GPM6A: variants seen among roughly 807,000 people sequenced by gnomAD.
The protein encoded by GPM6A is glycoprotein M6A.
GPM6A carries 7 observed loss-of-function variants against 32.1 expected under a neutral mutation model. The observed-to-expected ratio is 0.22, with a 90% CI of 0.12 to 0.41. The LOEUF is 0.41. Among genes scored for constraint, GPM6A ranks in the 10% least tolerant of loss-of-function variants. GPM6A has a pLI of 1.00. For missense variants in GPM6A, 235 were observed against 347.2 expected (o/e 0.68, Z 2.57); for synonymous variants, 130 against 123.4 (o/e 1.05, Z -0.35).
In GPM6A at chr4:175,755,348, A is replaced by T. The variant is rs147964180; in HGVS notation, c.38-53581T>A. Among the ~76,000 whole-genome samples, 12 of 152,286 alleles carry T rather than the reference A, an allele frequency of 7.9e-5. 1 individual carries two copies. In the East Asian group the frequency reaches 2.3e-3, roughly 29 times the overall value. On this transcript the variant is annotated intron_variant, in intron 1 of 6. Coordinates refer to ENST00000393658, the MANE Select transcript of GPM6A (RefSeq NM_201591.3). ...TATTTTCTTCTCTGTAATTACATGA[A>T]TGCTACAGAATTAACATTTTAAGGT...
chr4:175,715,909 T>C (rs1745817866), intron 1 of GPM6A, among the ~76,000 whole-genome samples: 4 of 151,986 alleles, frequency 2.6e-5, no homozygotes, highest in Non-Finnish European at 1.5e-5. Flanking sequence ...CTACTAAATA[T>C]ACAAAATTAG....
chr4:175,981,776 T>A (rs1740822269), intron 1 of GPM6A, among the ~76,000 whole-genome samples: 1 of 152,242 alleles, frequency 6.6e-6, no homozygotes, highest in East Asian at 1.9e-4. Context: ...ATTTTAAGTG[T>A]ATTTTTGATT....
chr4:175,872,564 A>G (rs1736945460), intron 1 of GPM6A: 2 of 152,228 alleles, frequency 1.3e-5, no homozygotes, highest in Non-Finnish European at 2.9e-5. Flanking sequence ...GCTTTCTTTG[A>G]GAATTAGAAG....
Position 175,910,460 on chromosome 4 carries a change from C to G in GPM6A, c.-23+91849G>C, listed in dbSNP as rs1241106679. On this transcript the variant is annotated intron_variant, in intron 1 of 7. Transcript: ENST00000280187. ...CTTAGTCGGGTACATAATTCACTCTCTCAGCCTTACTGGGCTGGTGAATGG... is the reference window on the plus strand; with the variant it reads ...CTTAGTCGGGTACATAATTCACTCTGTCAGCCTTACTGGGCTGGTGAATGG... Among the ~76,000 whole-genome samples, 4 of 152,286 alleles carry G rather than the reference C, an allele frequency of 2.6e-5. No individual in the cohort carries two copies. In the East Asian group the frequency reaches 7.7e-4, roughly 29 times the overall value.
chr4:175,669,654 T>C (rs1436707021), intron 3 of GPM6A, among the ~76,000 whole-genome samples: 1 of 152,194 alleles, frequency 6.6e-6, no homozygotes, highest in Non-Finnish European at 1.5e-5. Flanking sequence ...AACTTATATA[T>C]GGAAGAACAT....
intron 1 of GPM6A, among the ~76,000 whole-genome samples, chr4:175,828,719 G>A (rs1735513382): frequency 6.6e-6 from 1 of 152,012 alleles, no homozygotes. Context: ...AACAAAGGCA[G>A]TAATTATAAG....
At chr4:175,959,636 C>G (rs1402224118) in intron 1 of GPM6A, among the ~76,000 whole-genome samples, 1 of 152,152 alleles carries the variant, frequency 6.6e-6, no homozygotes, top group Non-Finnish European at 1.5e-5. Flanking sequence ...CTTTGCTACT[C>G]TGTGTGACAA....
chr4:175,804,842 G>A (rs28457258), intron 1 of GPM6A, among the ~76,000 whole-genome samples: 17,799 of 151,934 alleles, frequency 0.12, 1,603 homozygotes, highest in African/African-American at 0.26. Context: ...TCAGGAGATC[G>A]AGACCATCCT....
intron 1 of GPM6A, among the ~76,000 whole-genome samples, chr4:175,844,359 C>CCA (rs1736027031): frequency 6.6e-6 from 1 of 152,122 alleles, no homozygotes; most frequent in African/African-American, 2.4e-5. Flanking sequence ...ATTCCTTCTG[C>CCA]CACAAGACTG....
At chr4:175,863,691 C>T (rs537224007) in intron 1 of GPM6A, among the ~76,000 whole-genome samples, 1 of 152,182 alleles carries the variant, frequency 6.6e-6, no homozygotes, top group Admixed American at 6.5e-5. Flanking sequence ...TATGTTGCCA[C>T]CAGCAATGTA....
intron 1 of GPM6A, among the ~76,000 whole-genome samples, chr4:175,979,868 T>C (rs747999949): frequency 1.6e-4 from 25 of 152,224 alleles, no homozygotes; most frequent in Non-Finnish European, 3.5e-4. Context: ...CTAAGAGAGC[T>C]ATTTGCTTCT....
At chr4:175,706,738 G>T (rs149182322) in intron 1 of GPM6A, among the ~76,000 whole-genome samples, 151 of 152,190 alleles carry the variant, frequency 9.9e-4, no homozygotes, top group African/African-American at 3.2e-3. Context: ...GCTGAGACCT[G>T]CTGGGCTGCA....
intron 1 of GPM6A, among the ~76,000 whole-genome samples, chr4:175,735,917 T>C (rs1013675052): frequency 2.6e-5 from 4 of 152,146 alleles, no homozygotes; most frequent in African/African-American, 9.7e-5. Context: ...ATGTCTAGAG[T>C]TATTTAGAAA....
At chr4:175,843,269 C>CA (rs1306755465) in intron 1 of GPM6A, among the ~76,000 whole-genome samples, 2 of 152,098 alleles carry the variant, frequency 1.3e-5, no homozygotes, top group African/African-American at 2.4e-5. Context: ...GAGGAATTTA[C>CA]AAAAAATATC....
At chr4:175,859,188 TTG>T (rs1736501954) in intron 1 of GPM6A, among the ~76,000 whole-genome samples, 1 of 152,194 alleles carries the variant, frequency 6.6e-6, no homozygotes, top group Non-Finnish European at 1.5e-5. Context: ...TATAAATATG[TTG>T]AAATGTCAAA....
At chr4:175,659,677 GTTATT>G (rs1333752421) in intron 3 of GPM6A, among the ~76,000 whole-genome samples, 1 of 152,168 alleles carries the variant, frequency 6.6e-6, no homozygotes, top group Non-Finnish European at 1.5e-5. Context: ...ATTATCCAGA[GTTATT>G]TTATTACCAG....
chr4:175,835,934 G>C (rs1296207921), intron 1 of GPM6A, among the ~76,000 whole-genome samples: 2 of 147,414 alleles, frequency 1.4e-5, no homozygotes, highest in Non-Finnish European at 3.0e-5. Context: ...GTAGAACGTG[G>C]AAAGTTTTTT....
At chr4:175,925,887 T>C (rs1440763051) in intron 1 of GPM6A, among the ~76,000 whole-genome samples, 4 of 150,446 alleles carry the variant, frequency 2.7e-5, no homozygotes, top group African/African-American at 9.8e-5. Flanking sequence ...AGTCTCATTC[T>C]GTCATCCAGG....
intron 1 of GPM6A, among the ~76,000 whole-genome samples, chr4:175,843,991 C>T (rs1736016763): frequency 6.6e-6 from 1 of 152,132 alleles, no homozygotes; most frequent in Admixed American, 6.5e-5. Flanking sequence ...CCTCATCCCC[C>T]ACCTTTGATA....
Sources: allele counts gnomAD v4.1 joint callset (sites outside exome capture counted in the v4.1 genomes callset), GRCh38; gene constraint gnomAD v4.1.1; transcripts MANE v1.5; gene names NCBI Gene and HGNC (gene_info 2026-07-23, HGNC 2026-07-21).